The following ITGA11 variants were observed in gnomAD, a reference collection of about 807,000 sequenced individuals.
The protein encoded by ITGA11 is integrin subunit alpha 11.
ITGA11 carries 97 observed loss-of-function variants against 141.9 expected under a neutral mutation model. The observed-to-expected ratio is 0.68, with a 90% CI of 0.58 to 0.81. The LOEUF is 0.81. Ranked by LOEUF, ITGA11 falls within the 30% of genes least tolerant of loss-of-function variation. ITGA11 has a pLI of 0.00. For missense variants in ITGA11, 1,387 were observed against 1,559.2 expected (o/e 0.89, Z 1.86); for synonymous variants, 658 against 624.6 (o/e 1.05, Z -0.80).
At chr15:68,381,674 GCCT>G (rs1251669730) in intron 2 of ITGA11, among the ~76,000 whole-genome samples, 3 of 152,046 alleles carry the variant, frequency 2.0e-5, no homozygotes, top group African/African-American at 7.2e-5. Flanking sequence ...TCCTGCCTCA[GCCT>G]CCCGAGTAGC....
At chr15:68,416,121 G>C (rs1355550996) in intron 1 of ITGA11, among the ~76,000 whole-genome samples, 1 of 152,124 alleles carries the variant, frequency 6.6e-6, no homozygotes, top group African/African-American at 2.4e-5. Context: ...CCTGTTATCT[G>C]TCCCATCCCC....
Position 68,308,897 on chromosome 15 carries a change from G to C in ITGA11, c.3175-1201C>G, listed in dbSNP as rs892062112. On this transcript the variant is annotated intron_variant, in intron 26 of 29. Transcript: ENST00000315757. This position sits in a 1 kb window ranked among gnomAD's most constrained non-coding sequence, Gnocchi z 5.2. ...CACTGAAGAAGCCTGACAATTAACA[G>C]CAGAACCATTAGCCAACACTATAGA... is the stretch of plus-strand genomic sequence containing the variant. Among the ~76,000 whole-genome samples the C allele has an allele frequency of 6.6e-6, 1 of 152,212 alleles. No individual in the cohort carries two copies. Among genetic ancestry groups the C allele is most frequent in the African/African-American group, 2.4e-5 (1 of 41,448 alleles).
At chr15:68,364,686 G>C in intron 4 of ITGA11, 21 bp downstream of exon 4, 7 of 884,616 alleles carry the variant, frequency 7.9e-6, no homozygotes, top group Non-Finnish European at 1.2e-5. Flanking sequence ...CTGACCCCAA[G>C]CAGTGGCAGG....
Position 68,325,212 on chromosome 15 carries a change from G to GGT in ITGA11, c.2239_2240dup (p.Phe748ProfsTer64). 1 of 1,613,934 alleles carries GGT rather than the reference G, an allele frequency of 6.2e-7. No homozygotes were observed. The highest frequency in any genetic ancestry group is 8.5e-7 in the Non-Finnish European group (1 of 1,179,844). On this transcript the variant is annotated frameshift_variant, in exon 18 of 30. Transcript: ENST00000315757. LOFTEE classifies it high-confidence loss of function. The surrounding 1 kb of genome is among the most constrained non-coding windows in gnomAD (Gnocchi z 5.5). ...CCTCCAGGGAATACTCGACTGAGAA[G>GGT]GTCACTGGCTTCACGTAGTCAGCAG...
rs957418853 is a variant in ITGA11 at position 68,386,181 on chromosome 15, T to C, written c.164+16737A>G. 2.6e-5 allele frequency among the ~76,000 whole-genome samples: 4 copies of C among 152,108 alleles called. No individual in the cohort carries two copies. In the East Asian group the frequency reaches 7.7e-4, roughly 29 times the overall value. ...ACCTGATCAACCTATGCCAGGTAGG[T>C]CCATTCCAGCCCTGGTCCACTTCAG... On this transcript the variant is annotated intron_variant, in intron 2 of 29. Coordinates refer to ENST00000315757, the MANE Select transcript of ITGA11 (RefSeq NM_001004439.2).
intron 11 of ITGA11, 147 bp downstream of exon 11, chr15:68,339,353 C>T (rs186550118): frequency 8.4e-5 from 73 of 866,788 alleles, no homozygotes; most frequent in African/African-American, 7.4e-4. Flanking sequence ...GAAATGCCCC[C>T]GGGGATGCTC....
rs1365070325 is a variant in ITGA11 at position 68,299,390 on chromosome 15, T to G, written c.*3669A>C. 1 of 152,030 alleles carries G rather than the reference T, an allele frequency of 6.6e-6. No homozygotes were observed. Among genetic ancestry groups the G allele is most frequent in the African/African-American group, 2.4e-5 (1 of 41,346 alleles). The allele number at this position is 152,030 out of a possible 1,614,324, so 9.4% of individuals were successfully genotyped here. On this transcript the variant is annotated 3_prime_UTR_variant, in exon 30 of 30. Coordinates refer to ENST00000315757, the MANE Select transcript of ITGA11 (RefSeq NM_001004439.2). ...TCCTTTGAGAAGAACCTAGTTGATGTTAATATTAACATAAAGATAGTAGGG... is the reference window on the plus strand; with the variant it reads ...TCCTTTGAGAAGAACCTAGTTGATGGTAATATTAACATAAAGATAGTAGGG...
chr15:68,394,366 G>A (rs76199115), intron 2 of ITGA11, among the ~76,000 whole-genome samples: 5,747 of 152,018 alleles, frequency 0.038, 174 homozygotes, highest in African/African-American at 0.085. Flanking sequence ...AATAACCCAC[G>A]GTCCAAGGAA....
chr15:68,321,530 C>A lies in ITGA11; in HGVS notation c.2323-27G>T. 6.5e-7 allele frequency: 1 copy of A among 1,546,194 alleles called. No individual in the cohort carries two copies. The highest frequency in any genetic ancestry group is 8.8e-7 in the Non-Finnish European group (1 of 1,134,082). ...TGGGCCAGGGAGAGCCAGGTGTGGG[C>A]AGCTGGGTAGGGACCCGCAGCCCCT... is the stretch of plus-strand genomic sequence containing the variant. On this transcript the variant is annotated intron_variant, in intron 18 of 29. Transcript: ENST00000315757. The surrounding 1 kb of genome is among the most constrained non-coding windows in gnomAD (Gnocchi z 4.9).
rs536336278 is a variant in ITGA11 at position 68,325,472 on chromosome 15, G to A, written c.2212-231C>T. ...TCAGCTCATGCCAACCTAGCTGCCT[G>A]GCTGTTTTGCCAAGCTCCTGCACAT... On this transcript the variant is annotated intron_variant, in intron 17 of 29. Coordinates refer to ENST00000315757, the MANE Select transcript of ITGA11 (RefSeq NM_001004439.2). This position sits in a 1 kb window ranked among gnomAD's most constrained non-coding sequence, Gnocchi z 5.5. Among the ~76,000 whole-genome samples the A allele has an allele frequency of 6.6e-6, 1 of 152,302 alleles. No homozygotes were observed. Among genetic ancestry groups the A allele is most frequent in the African/African-American group, 2.4e-5 (1 of 41,560 alleles).
intron 1 of ITGA11, 44 bp downstream of exon 1, chr15:68,431,971 G>C (rs1424347759): frequency 1.6e-6 from 2 of 1,260,366 alleles, no homozygotes; most frequent in South Asian, 3.0e-5. Flanking sequence ...AGGGCCCAGG[G>C]AGGGACTCCG....
In ITGA11 at chr15:68,311,021, C is replaced by T. The variant is rs369142527; in HGVS notation, c.3147G>A (p.Glu1049=). The change falls in exon 26 of 30, where the codon GAG becomes GAA. Residue 1049 remains glutamate, a synonymous_variant. Transcript: ENST00000315757. ...NSTEYRPTPV[E]EDLRRAPQLN... is the part of the protein sequence containing the mutation. The stretch of plus-strand genomic sequence containing the variant: ...GCTGTGGAGCACGACGCAAGTCTTC[C>T]TCCACTGGGGTGGGCCGGTACTCAG... The T allele has an allele frequency of 7.5e-6, 12 of 1,606,208 alleles. No individual in the cohort carries two copies. The highest frequency in any genetic ancestry group is 1.3e-5 in the African/African-American group (1 of 74,776).
At position 68,326,786 on chromosome 15, in the gene ITGA11, G is replaced by T; in HGVS notation, c.2079C>A (p.Tyr693Ter). The T allele has an allele frequency of 6.3e-7, 1 of 1,580,860 alleles. No individual in the cohort carries two copies. The highest frequency in any genetic ancestry group is 1.8e-5 in the Admixed American group (1 of 55,730). Reference protein sequence around the residue: ...HFQTTTVGIRYNATMDERRYT... With the variant: ...HFQTTTVGIR ...ACCGCCTCTCATCCATGGTGGCGTT[G>T]TATCTGATGCCTGCAGGAGGGGAGA... The change falls in exon 17 of 30, where the codon TAC becomes TAA. Residue 693 changes from tyrosine to a stop codon, truncating the protein, a stop_gained. Coordinates refer to ENST00000315757, the MANE Select transcript of ITGA11 (RefSeq NM_001004439.2). LOFTEE classifies it high-confidence loss of function. This position sits in a 1 kb window ranked among gnomAD's most constrained non-coding sequence, Gnocchi z 6.8.
At chr15:68,379,166 T>G (rs763015483) in intron 2 of ITGA11, among the ~76,000 whole-genome samples, 1 of 152,184 alleles carries the variant, frequency 6.6e-6, no homozygotes, top group Non-Finnish European at 1.5e-5. Flanking sequence ...TTTCTCAACA[T>G]TGCCTGCACT....
Position 68,325,198 on chromosome 15 carries a change from T to G in ITGA11, c.2255A>C (p.Tyr752Ser). 6.2e-7 allele frequency: 1 copy of G among 1,613,922 alleles called. No homozygotes were observed. The highest frequency in any genetic ancestry group is 8.5e-7 in the Non-Finnish European group (1 of 1,179,860). ...GCCATGGTCAGGGTCCTCCAGGGAA[T>G]ACTCGACTGAGAAGGTCACTGGCTT... ...YVKPVTFSVEYSLEDPDHGPM... is the reference protein window; with the variant it reads ...YVKPVTFSVESSLEDPDHGPM... The change falls in exon 18 of 30, where the codon TAT becomes TCT. Residue 752 changes from tyrosine to serine, a missense_variant. Tyr to Ser is a moderately radical substitution (Grantham distance 144). Coordinates refer to ENST00000315757, the MANE Select transcript of ITGA11 (RefSeq NM_001004439.2). This position sits in a 1 kb window ranked among gnomAD's most constrained non-coding sequence, Gnocchi z 5.5.
At chr15:68,368,932 T>C (rs974611810) in intron 3 of ITGA11, among the ~76,000 whole-genome samples, 3 of 143,460 alleles carry the variant, frequency 2.1e-5, no homozygotes, top group African/African-American at 7.8e-5. Context: ...GAAAGAGGAA[T>C]GGCCTGGGAC....
chr15:68,357,278 C>A lies in ITGA11; in HGVS notation c.622G>T (p.Glu208Ter). The change falls in exon 7 of 30, where the codon GAA becomes TAA. Residue 208 changes from glutamate to a stop codon, truncating the protein, a stop_gained. Coordinates refer to ENST00000315757, the MANE Select transcript of ITGA11 (RefSeq NM_001004439.2). LOFTEE classifies it high-confidence loss of function. ...QIQVGVVQYG[E>*]DVVHEFHLND... Reference sequence around the variant, plus strand: ...AGGTGAAACTCATGCACCACATCTTCGCCATACTGCACAACTCCAACCTGC... The same window carrying A: ...AGGTGAAACTCATGCACCACATCTTAGCCATACTGCACAACTCCAACCTGC... 2 of 1,613,688 alleles carry A rather than the reference C, an allele frequency of 1.2e-6. No individual in the cohort carries two copies. Among genetic ancestry groups the A allele is most frequent in the Non-Finnish European group, 8.5e-7 (1 of 1,179,814 alleles).
Position 68,317,278 on chromosome 15 carries a change from C to T in ITGA11, c.2702G>A (p.Arg901Gln), listed in dbSNP as rs199658399. The T allele has an allele frequency of 4.3e-5, 70 of 1,613,442 alleles. No homozygotes were observed. The highest frequency in any genetic ancestry group is 2.8e-4 in the African/African-American group (21 of 75,022). The change falls in exon 21 of 30, where the codon CGG (arginine) becomes CAG (glutamine). Residue 901 changes from arginine (R) to glutamine (Q), a missense_variant. Arg to Gln is a conservative substitution (Grantham distance 43). Transcript: ENST00000315757. ...QVCNVSYPFF[R>Q]AKAKVAFRLD... Reference sequence around the variant, plus strand: ...CCCAGTCTCAACCTTGGCCTTGGCCCGGAAGAAGGGATAGCTGACGTTGCA... The same window carrying T: ...CCCAGTCTCAACCTTGGCCTTGGCCTGGAAGAAGGGATAGCTGACGTTGCA...
intron 5 of ITGA11, among the ~76,000 whole-genome samples, chr15:68,360,646 C>A (rs192021624): frequency 6.6e-6 from 1 of 152,204 alleles, no homozygotes. Context: ...AGGATGGTCA[C>A]ATCTAGGCCT....
Sources: gnomAD v4.1 joint callset for allele counts (sites outside exome capture counted in the v4.1 genomes callset) on GRCh38, gnomAD v4.1.1 for gene constraint, Gnocchi (gnomAD v3.1) non-coding constraint, MANE v1.5 for transcripts, NCBI Gene and HGNC (gene_info 2026-07-23, HGNC 2026-07-21) for gene names.